The following NLGN1 variants were observed in gnomAD, a reference collection of about 807,000 sequenced individuals.
NLGN1 encodes neuroligin-1.
In NLGN1, 12 loss-of-function variants were observed where a neutral mutation model predicts 65.5. The ratio of observed to expected loss-of-function variants is 0.18; its 90% CI spans 0.12 to 0.30. The LOEUF (loss-of-function observed/expected upper bound fraction) is 0.30. Ranked by LOEUF, NLGN1 falls within the 10% of genes least tolerant of loss-of-function variation. The pLI, the probability that NLGN1 is intolerant of heterozygous loss-of-function variation, is 1.00. For synonymous variants in NLGN1, 350 were observed against 359.5 expected (o/e 0.97, Z 0.30); for missense variants, 750 against 1,007.1 (o/e 0.74, Z 3.46).
intron 4 of NLGN1, among the ~76,000 whole-genome samples, chr3:174,224,568 A>T (rs984244222): frequency 6.6e-6 from 1 of 152,134 alleles, no homozygotes; most frequent in Non-Finnish European, 1.5e-5. Context: ...GCATAGTGTC[A>T]GGCACCTGTA....
At chr3:173,916,886 C>T (rs1579170833) in intron 4 of NLGN1, among the ~76,000 whole-genome samples, 1 of 152,218 alleles carries the variant, frequency 6.6e-6, no homozygotes, top group Non-Finnish European at 1.5e-5. Context: ...TGGATGGTTT[C>T]CTGTGATTGG....
chr3:173,445,417 G>T (rs1343434355), intron 2 of NLGN1, among the ~76,000 whole-genome samples: 1 of 152,020 alleles, frequency 6.6e-6, no homozygotes, highest in Non-Finnish European at 1.5e-5. Context: ...GTTAATTAAA[G>T]ATTAATATCC....
intron 3 of NLGN1, among the ~76,000 whole-genome samples, chr3:173,681,695 A>T (rs183678467): frequency 6.6e-6 from 1 of 152,264 alleles, no homozygotes; most frequent in East Asian, 1.9e-4. Flanking sequence ...TACTAGGTAT[A>T]CAATTGGGCA....
chr3:173,508,521 A>G (rs1196281545), intron 2 of NLGN1, among the ~76,000 whole-genome samples: 1 of 152,102 alleles, frequency 6.6e-6, no homozygotes, highest in Non-Finnish European at 1.5e-5. Flanking sequence ...CAGGAACATT[A>G]TTACATCTTA....
At chr3:174,189,410 A>G (rs1299064785) in intron 4 of NLGN1, among the ~76,000 whole-genome samples, 4 of 152,006 alleles carry the variant, frequency 2.6e-5, no homozygotes, top group Non-Finnish European at 4.4e-5. Flanking sequence ...AATGAATTCA[A>G]CCACCAACCA....
At chr3:173,638,496 T>G (rs886713490) in intron 3 of NLGN1, among the ~76,000 whole-genome samples, 3 of 152,172 alleles carry the variant, frequency 2.0e-5, no homozygotes, top group Non-Finnish European at 4.4e-5. Flanking sequence ...TTTGTTTTTA[T>G]TTTTTAAATA....
At chr3:174,217,161 A>G (rs182534398) in intron 4 of NLGN1, among the ~76,000 whole-genome samples, 1 of 152,204 alleles carries the variant, frequency 6.6e-6, no homozygotes, top group Non-Finnish European at 1.5e-5. Flanking sequence ...TTGTGACAGC[A>G]TAACTCCAGT....
intron 4 of NLGN1, among the ~76,000 whole-genome samples, chr3:174,174,181 A>T (rs1431530653): frequency 1.3e-5 from 2 of 152,010 alleles, no homozygotes; most frequent in Non-Finnish European, 2.9e-5. Flanking sequence ...CTGAGTAGTA[A>T]TCCATTGTAT....
At chr3:173,436,048 A>C (rs1718088015) in intron 2 of NLGN1, among the ~76,000 whole-genome samples, 1 of 152,190 alleles carries the variant, frequency 6.6e-6, no homozygotes, top group South Asian at 2.1e-4. Flanking sequence ...CAAGAACAAA[A>C]TCAAACAACA....
intron 2 of NLGN1, among the ~76,000 whole-genome samples, chr3:173,469,133 T>TGATA (rs1560297831): frequency 6.6e-6 from 1 of 152,182 alleles, no homozygotes; most frequent in Non-Finnish European, 1.5e-5. Flanking sequence ...AATACACTAT[T>TGATA]GATACTTCTT....
rs888632071 is a variant in NLGN1 at position 173,901,462 on chromosome 3, C to T, written c.646+93630C>T. 6.6e-5 allele frequency among the ~76,000 whole-genome samples: 10 copies of T among 150,980 alleles called. 1 individual carries two copies. Among genetic ancestry groups the T allele is most frequent in the Admixed American group, 3.3e-4 (5 of 14,978 alleles). On this transcript the variant is annotated intron_variant, in intron 4 of 6. Transcript: ENST00000457714. ...ATAAAATTACACTTAAATCTGTTTA[C>T]AATCTCATTTTGGAGTTTATTCCAT...
intron 4 of NLGN1, among the ~76,000 whole-genome samples, chr3:174,207,568 A>G (rs1561291048): frequency 6.6e-6 from 1 of 152,240 alleles, no homozygotes; most frequent in Non-Finnish European, 1.5e-5. Context: ...GTCAAAATGT[A>G]TATGGCTTCT....
chr3:173,745,340 A>T (rs1414640936), intron 3 of NLGN1, among the ~76,000 whole-genome samples: 1 of 152,128 alleles, frequency 6.6e-6, no homozygotes, highest in African/African-American at 2.4e-5. Flanking sequence ...GTTACCAGAC[A>T]TCATTTTTTT....
At chr3:174,143,230 T>C (rs767618675) in intron 4 of NLGN1, among the ~76,000 whole-genome samples, 2 of 152,130 alleles carry the variant, frequency 1.3e-5, no homozygotes, top group Non-Finnish European at 2.9e-5. Flanking sequence ...TTATTTATAT[T>C]AAATAGTACA....
chr3:173,727,847 A>T (rs1772060191), intron 3 of NLGN1, among the ~76,000 whole-genome samples: 1 of 152,152 alleles, frequency 6.6e-6, no homozygotes, highest in African/African-American at 2.4e-5. Context: ...AATCAAAAAG[A>T]AGTACAGGAA....
chr3:174,118,807 G>C (rs1242181063), intron 4 of NLGN1, among the ~76,000 whole-genome samples: 3 of 152,192 alleles, frequency 2.0e-5, no homozygotes, highest in African/African-American at 7.2e-5. Flanking sequence ...TAGGAAATTG[G>C]TGGCCGTGTA....
At chr3:173,760,282 T>G (rs966221769) in intron 3 of NLGN1, among the ~76,000 whole-genome samples, 1 of 152,128 alleles carries the variant, frequency 6.6e-6, no homozygotes, top group African/African-American at 2.4e-5. Flanking sequence ...CCGCATTGAA[T>G]TTGTCTTTGT....
In NLGN1 at chr3:173,665,651, A is replaced by G. The variant is rs1761591564; in HGVS notation, c.493+60560A>G. Reference sequence around the variant, plus strand: ...TAAATCTTGTTATCAAAAAAATTCTATTGGGTATGTATTCAGAAATAGTTG... The same window carrying G: ...TAAATCTTGTTATCAAAAAAATTCTGTTGGGTATGTATTCAGAAATAGTTG... On this transcript the variant is annotated intron_variant, in intron 3 of 6. Transcript: ENST00000457714. Among the ~76,000 whole-genome samples the G allele has an allele frequency of 2.0e-5, 3 of 152,158 alleles. No individual in the cohort carries two copies. In the South Asian group the frequency reaches 6.2e-4, roughly 31 times the overall value.
chr3:173,689,169 A>G (rs1269786178), intron 3 of NLGN1, among the ~76,000 whole-genome samples: 1 of 152,114 alleles, frequency 6.6e-6, no homozygotes, highest in Non-Finnish European at 1.5e-5. Context: ...GGTGGACTGT[A>G]CTACTGCCCT....
Sources: gnomAD v4.1 joint callset for allele counts (sites outside exome capture counted in the v4.1 genomes callset) on GRCh38, gnomAD v4.1.1 for gene constraint, MANE v1.5 for transcripts, NCBI Gene and HGNC (gene_info 2026-07-23, HGNC 2026-07-21) for gene names.